ZMYM4: variants seen among roughly 807,000 people sequenced by gnomAD.
The protein encoded by ZMYM4 is zinc finger MYM-type protein 4.
In ZMYM4, 31 loss-of-function variants were observed where a neutral mutation model predicts 183.2. The ratio of observed to expected loss-of-function variants is 0.17; its 90% CI spans 0.13 to 0.23. The LOEUF (loss-of-function observed/expected upper bound fraction) is 0.23. Among genes scored for constraint, ZMYM4 ranks in the 10% least tolerant of loss-of-function variants. ZMYM4 has a pLI of 1.00. For synonymous variants in ZMYM4, 592 were observed against 631.2 expected (o/e 0.94, Z 0.93); for missense variants, 1,273 against 1,840.3 (o/e 0.69, Z 5.64).
intron 1 of ZMYM4, among the ~76,000 whole-genome samples, chr1:35,324,868 ACTT>A (rs1410452524): frequency 6.6e-6 from 1 of 152,172 alleles, no homozygotes; most frequent in African/African-American, 2.4e-5. Flanking sequence ...ACATGGCTCT[ACTT>A]CTGTCTTAGG....
intron 2 of ZMYM4, among the ~76,000 whole-genome samples, chr1:35,356,299 G>A (rs1016302306): frequency 1.3e-5 from 2 of 152,126 alleles, no homozygotes; most frequent in African/African-American, 4.8e-5. Context: ...GACTTCTCAT[G>A]CACTATAGAA....
chr1:35,320,558 G>A (rs1463587621), intron 1 of ZMYM4, among the ~76,000 whole-genome samples: 1 of 152,126 alleles, frequency 6.6e-6, no homozygotes, highest in Non-Finnish European at 1.5e-5. Flanking sequence ...GGTGGGGGTT[G>A]CGCACACCCC....
intron 13 of ZMYM4, among the ~76,000 whole-genome samples, 180 bp from the exon 14 acceptor site, chr1:35,388,730 G>T (rs935573926): frequency 4.0e-5 from 6 of 151,730 alleles, no homozygotes; most frequent in Non-Finnish European, 8.8e-5. Flanking sequence ...TTGACATGGG[G>T]TCTTGCCATG....
chr1:35,354,727 T>TAAAAAAAAAAAA (rs57493035), intron 2 of ZMYM4, among the ~76,000 whole-genome samples: 1 of 84,036 alleles, frequency 1.2e-5, no homozygotes, highest in Admixed American at 1.3e-4. Flanking sequence ...ACTTTGTCTT[T>TAAAAAAAAAAAA]AAAAAAAAAA....
intron 26 of ZMYM4, among the ~76,000 whole-genome samples, chr1:35,410,738 C>T (rs1288808403): frequency 6.6e-6 from 1 of 151,852 alleles, no homozygotes; most frequent in Non-Finnish European, 1.5e-5. Context: ...GATCCGCCCA[C>T]CTCGGCCTCC....
At chr1:35,359,844 A>C (rs911401253) in intron 3 of ZMYM4, among the ~76,000 whole-genome samples, 6 of 151,766 alleles carry the variant, frequency 4.0e-5, no homozygotes, top group Non-Finnish European at 8.8e-5. Context: ...TATTTTTTTA[A>C]TTTTAATTTA....
chr1:35,383,770 A>G (rs1345056427), intron 9 of ZMYM4, among the ~76,000 whole-genome samples: 5 of 152,182 alleles, frequency 3.3e-5, no homozygotes, highest in Admixed American at 1.3e-4. Context: ...TTCATGTATT[A>G]TATCTGCTGT....
intron 2 of ZMYM4, among the ~76,000 whole-genome samples, chr1:35,334,189 C>T (rs1278668225): frequency 1.3e-5 from 2 of 152,058 alleles, no homozygotes; most frequent in South Asian, 2.1e-4. Context: ...CTTGGGGGCA[C>T]ATGCCTGTAG....
intron 1 of ZMYM4, among the ~76,000 whole-genome samples, chr1:35,290,559 A>AGAG (rs1640712345): frequency 6.6e-6 from 1 of 151,982 alleles, no homozygotes. Context: ...CCTCTCCAAT[A>AGAG]GCTAGGACTA....
intron 2 of ZMYM4, among the ~76,000 whole-genome samples, chr1:35,336,311 C>T (rs973702253): frequency 2.6e-5 from 4 of 151,730 alleles, no homozygotes; most frequent in South Asian, 2.1e-4. Flanking sequence ...TTTAGTGTAT[C>T]CTCAAGGTTC....
chr1:35,388,482 G>C (rs11264149), intron 13 of ZMYM4, among the ~76,000 whole-genome samples: 1 of 152,154 alleles, frequency 6.6e-6, no homozygotes, highest in African/African-American at 2.4e-5. Flanking sequence ...TGGGATTACA[G>C]GTGTGAGCCA....
chr1:35,374,898 A>G (rs1644302111), intron 7 of ZMYM4, among the ~76,000 whole-genome samples: 2 of 151,992 alleles, frequency 1.3e-5, no homozygotes, highest in South Asian at 4.2e-4. Context: ...GGTCATTTCT[A>G]CCTATGTGTC....
chr1:35,285,982 A>G (rs939877745), intron 1 of ZMYM4, among the ~76,000 whole-genome samples: 2 of 152,210 alleles, frequency 1.3e-5, no homozygotes, highest in African/African-American at 4.8e-5. Context: ...CAGATGAGGA[A>G]CAAGATGAGG....
chr1:35,385,384 G>T (rs189982550), intron 9 of ZMYM4, 58 bp from the exon 10 acceptor site: 3 of 1,533,604 alleles, frequency 2.0e-6, no homozygotes, highest in South Asian at 2.4e-5. Flanking sequence ...ACATTTCGAA[G>T]AATTATGCTT....
chr1:35,410,937 C>T (rs939486944), intron 26 of ZMYM4, among the ~76,000 whole-genome samples: 8 of 151,908 alleles, frequency 5.3e-5, no homozygotes, highest in Non-Finnish European at 1.0e-4. Context: ...ATCCTCTTTT[C>T]TTCAGAGAGT....
chr1:35,280,699 G>T lies in ZMYM4; in HGVS notation c.39+11614G>T, dbSNP rs537743736. 2.0e-4 allele frequency among the ~76,000 whole-genome samples: 30 copies of T among 152,214 alleles called. No homozygotes were observed. In the South Asian group the frequency reaches 5.2e-3, roughly 26 times the overall value. ...CCCACGTGTTCCTTGATTTGTGGTA[G>T]ATTACTCCAGTTTTTGCCTCTGTCT... On this transcript the variant is annotated intron_variant, in intron 1 of 29. Transcript: ENST00000314607.
chr1:35,413,909 AT>A (rs1383565688), intron 26 of ZMYM4, 62 bp from the exon 27 acceptor site: 2 of 1,001,998 alleles, frequency 2.0e-6, no homozygotes, highest in African/African-American at 1.7e-5. Flanking sequence ...TCTTACAATA[AT>A]TTTTTAAGAA....
intron 18 of ZMYM4, among the ~76,000 whole-genome samples, chr1:35,395,217 CAATA>C (rs1644787288): frequency 7.0e-6 from 1 of 142,588 alleles, no homozygotes; most frequent in East Asian, 2.1e-4. Flanking sequence ...TTTTTTTAAT[CAATA>C]GCAGTTTATT....
chr1:35,321,704 A>G (rs1268047336), intron 1 of ZMYM4, among the ~76,000 whole-genome samples: 4 of 152,128 alleles, frequency 2.6e-5, no homozygotes, highest in Non-Finnish European at 5.9e-5. Flanking sequence ...GGGAGATTAA[A>G]TTGGATTAAA....
Sources: gnomAD v4.1 joint callset for allele counts (sites outside exome capture counted in the v4.1 genomes callset) on GRCh38, gnomAD v4.1.1 for gene constraint, MANE v1.5 for transcripts, NCBI Gene and HGNC (gene_info 2026-07-23, HGNC 2026-07-21) for gene names.